The following EPC2 variants were observed in gnomAD, a reference collection of about 807,000 sequenced individuals.
EPC2 encodes enhancer of polycomb homolog 2.
A neutral mutation model predicts 92.1 loss-of-function variants in EPC2; 14 were observed. The ratio of observed to expected loss-of-function variants is 0.15; its 90% CI spans 0.10 to 0.24. The LOEUF (loss-of-function observed/expected upper bound fraction) is 0.24. Ranked by LOEUF, EPC2 falls within the 10% of genes least tolerant of loss-of-function variation. The pLI, the probability that EPC2 is intolerant of heterozygous loss-of-function variation, is 1.00. For missense variants in EPC2, 755 were observed against 971.5 expected (o/e 0.78, Z 2.96); for synonymous variants, 340 against 334.7 (o/e 1.02, Z -0.17).
At chr2:148,690,445 C>T (rs1681623703) in intron 2 of EPC2, 72 bp downstream of exon 2, 2 of 1,388,616 alleles carry the variant, frequency 1.4e-6, no homozygotes, top group Admixed American at 5.2e-5. Context: ...TTTCTTTTGT[C>T]TAAAGAAATT....
chr2:148,656,025 G>GTGTGTGTGTGT (rs551078218), intron 1 of EPC2, among the ~76,000 whole-genome samples: 7 of 103,184 alleles, frequency 6.8e-5, no homozygotes, highest in Admixed American at 4.2e-4. Flanking sequence ...GTGTGTGTGT[G>GTGTGTGTGTGT]GGGGGGGGGG....
At chr2:148,775,990 C>T (rs1019362657) in intron 10 of EPC2, among the ~76,000 whole-genome samples, 10 of 151,710 alleles carry the variant, frequency 6.6e-5, no homozygotes, top group African/African-American at 2.2e-4. Context: ...ACTGTGTTAG[C>T]CAGGATGGTC....
chr2:148,732,055 TA>T (rs1207255108), intron 2 of EPC2, among the ~76,000 whole-genome samples: 1 of 152,198 alleles, frequency 6.6e-6, no homozygotes, highest in Admixed American at 6.5e-5. Flanking sequence ...TAACAATTGA[TA>T]AAAAAGAGTG....
intron 1 of EPC2, among the ~76,000 whole-genome samples, chr2:148,661,711 A>G (rs1422719269): frequency 1.3e-5 from 2 of 152,150 alleles, no homozygotes; most frequent in East Asian, 1.9e-4. Context: ...AATACATAAA[A>G]GTACATAACA....
At chr2:148,678,382 G>C (rs899818211) in intron 1 of EPC2, among the ~76,000 whole-genome samples, 17 of 152,252 alleles carry the variant, frequency 1.1e-4, no homozygotes, top group African/African-American at 3.6e-4. Flanking sequence ...CTGCCGGCTA[G>C]TCCCACACAT....
At chr2:148,750,128 C>G (rs1683059705) in intron 3 of EPC2, among the ~76,000 whole-genome samples, 1 of 151,896 alleles carries the variant, frequency 6.6e-6, no homozygotes, top group Non-Finnish European at 1.5e-5. Context: ...TTTTATCATT[C>G]TAATTTCCTT....
In EPC2 at chr2:148,782,755, A is replaced by G. The variant is rs1027773269; in HGVS notation, c.1858-842A>G. Among the ~76,000 whole-genome samples, 4 of 10,998 alleles carry G rather than the reference A, an allele frequency of 3.6e-4. No homozygotes were observed. The Non-Finnish European group carries it at 5.6e-3, about 15-fold the overall frequency. 7.2% of individuals were successfully genotyped at this position (10,998 alleles called of 152,430 possible). A position where few individuals can be genotyped will look rare whatever the true frequency, so the allele number is the denominator to read the frequency against. On this transcript the variant is annotated intron_variant, in intron 11 of 13. Transcript: ENST00000258484. ...CTTCTGGCCTGCAGAACTATATGAT[A>G]ATAAATTTTTAAGCCACTAAAAGCA...
At chr2:148,771,648 A>G (rs573494767) in intron 10 of EPC2, among the ~76,000 whole-genome samples, 1 of 152,244 alleles carries the variant, frequency 6.6e-6, no homozygotes, top group East Asian at 1.9e-4. Flanking sequence ...ATAAGCTGCC[A>G]CCAGATCATC....
At chr2:148,714,133 G>A (rs1372213455) in intron 2 of EPC2, among the ~76,000 whole-genome samples, 1 of 140,242 alleles carries the variant, frequency 7.1e-6, no homozygotes, top group Non-Finnish European at 1.5e-5. Context: ...TCATCATTCA[G>A]CTCCCATTTC....
rs1469895151 is a variant in EPC2 at position 148,781,678 on chromosome 2, A to C, written c.1755A>C (p.Thr585=). 1 of 1,613,926 alleles carries C rather than the reference A, an allele frequency of 6.2e-7. No individual in the cohort carries two copies. Among genetic ancestry groups the C allele is most frequent in the Non-Finnish European group, 8.5e-7 (1 of 1,179,852 alleles). Residue 585 remains threonine (T), a synonymous_variant, in exon 11 of 14, where the codon ACA becomes ACC. Coordinates refer to ENST00000258484, the MANE Select transcript of EPC2 (RefSeq NM_015630.4). The part of the protein sequence containing the change: ...TGGITEEQFQ[T]HQQQLVQMQR... Reference sequence around the variant, plus strand: ...GTATCACAGAAGAGCAGTTTCAGACACATCAGCAGCAGTTAGTTCAGATGC... The same window carrying C: ...GTATCACAGAAGAGCAGTTTCAGACCCATCAGCAGCAGTTAGTTCAGATGC...
intron 2 of EPC2, among the ~76,000 whole-genome samples, chr2:148,724,909 G>A (rs188486664): frequency 4.5e-4 from 69 of 152,140 alleles, no homozygotes; most frequent in South Asian, 4.1e-3. Flanking sequence ...TGGCACTGGA[G>A]GAATAAGGTT....
chr2:148,715,223 C>T (rs1312275197), intron 2 of EPC2, among the ~76,000 whole-genome samples: 3 of 151,966 alleles, frequency 2.0e-5, no homozygotes, highest in Non-Finnish European at 2.9e-5. Context: ...TTAATAGAGA[C>T]CAGGTTTCAC....
At chr2:148,690,691 GTCTC>G (rs1681627664) in intron 2 of EPC2, among the ~76,000 whole-genome samples, 1 of 151,584 alleles carries the variant, frequency 6.6e-6, no homozygotes, top group Non-Finnish European at 1.5e-5. Flanking sequence ...TTGAGACAGA[GTCTC>G]TCTGTTACCC....
At chr2:148,774,995 A>C (rs1035007424) in intron 10 of EPC2, among the ~76,000 whole-genome samples, 1 of 151,634 alleles carries the variant, frequency 6.6e-6, no homozygotes, top group South Asian at 2.1e-4. Context: ...AGGTTGAGGC[A>C]GGAGAATGGC....
At chr2:148,689,953 A>T (rs2105371263) in intron 1 of EPC2, among the ~76,000 whole-genome samples, 1 of 151,880 alleles carries the variant, frequency 6.6e-6, no homozygotes, top group Middle Eastern at 3.4e-3. Context: ...GAAATTTTAT[A>T]TTCTAGTTTC....
At chr2:148,759,256 C>T (rs914755669) in intron 4 of EPC2, among the ~76,000 whole-genome samples, 1 of 152,090 alleles carries the variant, frequency 6.6e-6, no homozygotes, top group Non-Finnish European at 1.5e-5. Flanking sequence ...CCACACCCAG[C>T]TAATTTTTGT....
At chr2:148,761,748 T>A (rs1408018677) in intron 4 of EPC2, 34 bp from the exon 5 acceptor site, 1 of 1,361,120 alleles carries the variant, frequency 7.3e-7, no homozygotes, top group South Asian at 1.5e-5. Context: ...GATAACTGTG[T>A]TGTTTATTCT....
intron 2 of EPC2, chr2:148,692,545 A>G (rs1681666348): frequency 6.6e-6 from 1 of 152,214 alleles, no homozygotes; most frequent in Admixed American, 6.5e-5. Context: ...AGAAACACAC[A>G]TGCGAAAATT....
intron 1 of EPC2, among the ~76,000 whole-genome samples, chr2:148,681,429 A>G (rs1359353360): frequency 6.6e-6 from 1 of 152,214 alleles, no homozygotes; most frequent in Non-Finnish European, 1.5e-5. Context: ...AGAGTTTACA[A>G]ATCTCTCAAA....
Sources: allele counts gnomAD v4.1 joint callset (sites outside exome capture counted in the v4.1 genomes callset), GRCh38; gene constraint gnomAD v4.1.1; transcripts MANE v1.5; gene names NCBI Gene and HGNC (gene_info 2026-07-23, HGNC 2026-07-21).